The following PTPRS variants were observed in gnomAD, a reference collection of about 807,000 sequenced individuals.
The protein encoded by PTPRS is receptor-type tyrosine-protein phosphatase S.
PTPRS carries 63 observed loss-of-function variants against 215.3 expected under a neutral mutation model. The observed-to-expected ratio is 0.29, with a 90% CI of 0.24 to 0.36. The LOEUF is 0.36. Ranked by LOEUF, PTPRS falls within the 10% of genes least tolerant of loss-of-function variation. The probability of loss-of-function intolerance (pLI) is 1.00; values close to 1 mark genes in which losing one functional copy is unlikely to be tolerated. For missense variants in PTPRS, 2,258 were observed against 2,825.8 expected (o/e 0.80, Z 4.56); for synonymous variants, 1,404 against 1,191.4 (o/e 1.18, Z -3.68).
Position 5,223,317 on chromosome 19 carries a change from G to A in PTPRS, c.2495-20C>T, listed in dbSNP as rs764202081. 7 of 1,442,678 alleles carry A rather than the reference G, an allele frequency of 4.9e-6. No homozygotes were observed. Among genetic ancestry groups the A allele is most frequent in the East Asian group, 2.6e-5 (1 of 38,082 alleles). 89.4% of individuals were successfully genotyped at this position (1,442,678 alleles called of 1,614,324 possible). A position where few individuals can be genotyped will look rare whatever the true frequency, so the allele number is the denominator to read the frequency against. On this transcript the variant is annotated intron_variant, in intron 17 of 37. Coordinates refer to ENST00000262963, the MANE Select transcript of PTPRS (RefSeq NM_002850.4). ...CCAGCACTGCGGGGATACGGGGCAG[G>A]TGTCAGGGTCCCAGCGCCATCCGCC...
chr19:5,222,739 G>C lies in PTPRS; in HGVS notation c.3053C>G (p.Pro1018Arg). 2 of 1,597,954 alleles carry C rather than the reference G, an allele frequency of 1.3e-6. No individual in the cohort carries two copies. ...GCGGACGGGGGGGCTGAAGGGGCCAGGGCCCCGGCGCGTGTGGGCTCGCAC... is the reference window on the plus strand; with the variant it reads ...GCGGACGGGGGGGCTGAAGGGGCCACGGCCCCGGCGCGTGTGGGCTCGCAC... ...LQVRAHTRRG[P>R]GPFSPPVRYR... is the part of the protein sequence containing the mutation. Residue 1018 changes from proline (P) to arginine (R), a missense_variant, in exon 18 of 38, where the codon CCT (proline) becomes CGT (arginine). Around this residue, in one of 6 missense-constraint regions of PTPRS, gnomAD observed 361 missense variants for 332.6 expected, o/e 1.09. Transcript: ENST00000262963.
intron 11 of PTPRS, among the ~76,000 whole-genome samples, chr19:5,242,852 G>A (rs926642825): frequency 2.6e-5 from 4 of 152,026 alleles, no homozygotes; most frequent in South Asian, 2.1e-4. Flanking sequence ...GCACCATCAC[G>A]CCTAGCTAAT....
chr19:5,207,137 T>C (rs2040432062), intron 37 of PTPRS, among the ~76,000 whole-genome samples: 1 of 152,222 alleles, frequency 6.6e-6, no homozygotes. Context: ...CAGGCTGGAG[T>C]GCAGTGGCGC....
chr19:5,325,487 T>G (rs976344053), intron 1 of PTPRS, among the ~76,000 whole-genome samples: 5 of 150,674 alleles, frequency 3.3e-5, no homozygotes, highest in Non-Finnish European at 6.0e-5. Flanking sequence ...CATTTTAACC[T>G]GGAAAGAGAA....
intron 2 of PTPRS, among the ~76,000 whole-genome samples, chr19:5,276,188 GTC>G (rs766960902): frequency 1.3e-5 from 2 of 152,110 alleles, no homozygotes; most frequent in Non-Finnish European, 2.9e-5. Context: ...TATTCATTCA[GTC>G]TCTGCAATAA....
Position 5,222,239 on chromosome 19 carries a change from A to G in PTPRS, c.3104-19T>C. The G allele has an allele frequency of 6.2e-7, 1 of 1,600,620 alleles. No homozygotes were observed. The highest frequency in any genetic ancestry group is 1.7e-5 in the Admixed American group (1 of 60,006). ...GGCGAGACTGCCGGGGAGGCGGCCGAGCAGGGAGAGAGCAGAAGAGAGGCC... is the reference window on the plus strand; with the variant it reads ...GGCGAGACTGCCGGGGAGGCGGCCGGGCAGGGAGAGAGCAGAAGAGAGGCC... On this transcript the variant is annotated intron_variant, in intron 18 of 37. Coordinates refer to ENST00000262963, the MANE Select transcript of PTPRS (RefSeq NM_002850.4).
At chr19:5,289,223 T>C (rs1405897379) in intron 1 of PTPRS, among the ~76,000 whole-genome samples, 1 of 151,960 alleles carries the variant, frequency 6.6e-6, no homozygotes, top group African/African-American at 2.4e-5. Flanking sequence ...AGGCGTGAGG[T>C]CCTCTGCGAG....
intron 4 of PTPRS, among the ~76,000 whole-genome samples, chr19:5,269,042 CCTCA>C (rs2046675430): frequency 6.6e-6 from 1 of 152,164 alleles, no homozygotes. Context: ...AATGACTGGG[CCTCA>C]CTCAATTGGT....
chr19:5,208,677 T>C (rs2040592722), intron 35 of PTPRS, among the ~76,000 whole-genome samples: 4 of 152,090 alleles, frequency 2.6e-5, no homozygotes, highest in Admixed American at 6.5e-5. Flanking sequence ...CTCTCTGCCA[T>C]TCATTTACCC....
chr19:5,252,995 C>T (rs1376249595), intron 9 of PTPRS, among the ~76,000 whole-genome samples: 3 of 151,934 alleles, frequency 2.0e-5, no homozygotes, highest in Non-Finnish European at 2.9e-5. Flanking sequence ...CTGTGCACTA[C>T]GTTTCAATAA....
At chr19:5,274,857 G>A (rs914350632) in intron 2 of PTPRS, among the ~76,000 whole-genome samples, 32 of 152,074 alleles carry the variant, frequency 2.1e-4, no homozygotes, top group Non-Finnish European at 1.3e-4. Flanking sequence ...GCATGGGGGC[G>A]GGGGGTGACC....
Position 5,243,974 on chromosome 19 carries a change from C to A in PTPRS, c.1497G>T (p.Val499=), listed in dbSNP as rs1396436491. ...CGACGGAGGTGAAGGCGAGCACCCGCACGGTGTAGGTCTCGTCCTCCAGCA... is the reference window on the plus strand; with the variant it reads ...CGACGGAGGTGAAGGCGAGCACCCGAACGGTGTAGGTCTCGTCCTCCAGCA... ...GSLLEDETYT[V]RVLAFTSVGD... The change falls in exon 11 of 38, where the codon GTG becomes GTT. Residue 499 remains valine (V), a synonymous_variant. Coordinates refer to ENST00000262963, the MANE Select transcript of PTPRS (RefSeq NM_002850.4). 1 of 1,601,296 alleles carries A rather than the reference C, an allele frequency of 6.2e-7. No homozygotes were observed. Among genetic ancestry groups the A allele is most frequent in the Non-Finnish European group, 8.5e-7 (1 of 1,179,262 alleles).
chr19:5,277,655 CAAA>C (rs59687529), intron 2 of PTPRS: 948 of 377,360 alleles, frequency 2.5e-3, no homozygotes, highest in Middle Eastern at 3.6e-3. Context: ...GACTCCATCT[CAAA>C]AAAAAAAAAA....
chr19:5,260,176 GTTTCTTTT>G (rs1273332127), intron 7 of PTPRS, among the ~76,000 whole-genome samples: 2 of 145,506 alleles, frequency 1.4e-5, no homozygotes, highest in African/African-American at 5.1e-5. Flanking sequence ...TGTTCGTTTT[GTTTCTTTT>G]TTTTTTTTTT....
In PTPRS at chr19:5,223,206, C is replaced by A; in HGVS notation, c.2586G>T (p.Gln862His). 6.5e-7 allele frequency: 1 copy of A among 1,530,292 alleles called. No homozygotes were observed. Among genetic ancestry groups the A allele is most frequent in the Non-Finnish European group, 8.8e-7 (1 of 1,138,394 alleles). The allele number at this position is 1,530,292 out of a possible 1,614,324, so 94.8% of individuals were successfully genotyped here. A position where few individuals can be genotyped will look rare whatever the true frequency, so the allele number is the denominator to read the frequency against. ...WEPPAGTAED[Q>H]VLGYRLQFGR... Reference sequence around the variant, plus strand: ...CAAACTGCAGGCGGTAGCCCAGCACCTGGTCCTCCGCGGTGCCAGCCGGGG... The same window carrying A: ...CAAACTGCAGGCGGTAGCCCAGCACATGGTCCTCCGCGGTGCCAGCCGGGG... Residue 862 changes from glutamine (Q) to histidine (H), a missense_variant, in exon 18 of 38, where the codon CAG becomes CAT. By Grantham distance (24) the Gln-to-His change is conservative. Around this residue, in one of 6 missense-constraint regions of PTPRS, gnomAD observed 361 missense variants for 332.6 expected, o/e 1.09. Transcript: ENST00000262963.
intron 4 of PTPRS, among the ~76,000 whole-genome samples, chr19:5,265,989 G>A (rs894098836): frequency 1.3e-5 from 2 of 152,142 alleles, no homozygotes; most frequent in African/African-American, 2.4e-5. Context: ...GCTGGACGCG[G>A]TGGCTCATGC....
At chr19:5,320,296 C>T (rs1396963045) in intron 1 of PTPRS, among the ~76,000 whole-genome samples, 1 of 151,808 alleles carries the variant, frequency 6.6e-6, no homozygotes, top group African/African-American at 2.4e-5. Context: ...AATCCCTGCC[C>T]CAGTGGGAGA....
At chr19:5,222,444 A>AGGT (rs1599459506) in intron 18 of PTPRS, among the ~76,000 whole-genome samples, 1 of 75,484 alleles carries the variant, frequency 1.3e-5, no homozygotes, top group African/African-American at 5.1e-5. Context: ...TGCAGAAAGA[A>AGGT]GGTGGAGGAG....
rs2047118250 is a variant in PTPRS at position 5,273,734 on chromosome 19, C to T, written c.238-151G>A. On this transcript the variant is annotated intron_variant, in intron 3 of 37. Coordinates refer to ENST00000262963, the MANE Select transcript of PTPRS (RefSeq NM_002850.4). ...AGAATTGCTGCAGGCTGAATGTGCA[C>T]GTGTGTCGGTGTCCAGTATAAATGC... 7 of 997,514 alleles carry T rather than the reference C, an allele frequency of 7.0e-6. No individual in the cohort carries two copies. In the East Asian group the frequency reaches 7.9e-5, roughly 11 times the overall value. The allele number at this position is 997,514 out of a possible 1,614,324, so 61.8% of individuals were successfully genotyped here.
Sources: gnomAD v4.1 joint callset for allele counts (sites outside exome capture counted in the v4.1 genomes callset) on GRCh38, gnomAD v4.1.1 for gene constraint, gnomAD v4.1.1 regional missense constraint, MANE v1.5 for transcripts, NCBI Gene and HGNC (gene_info 2026-07-23, HGNC 2026-07-21) for gene names.